PLBD2: variants seen among roughly 807,000 people sequenced by gnomAD.
PLBD2 encodes phospholipase B domain containing 2, also known as putative aminopeptidase PLBD2.
Under a neutral mutation model 68.3 loss-of-function variants are expected in PLBD2, and 51 were observed. That is an observed-to-expected ratio of 0.75 (90% CI 0.60 to 0.94). PLBD2 has a LOEUF of 0.94. Among genes scored for constraint, PLBD2 ranks in the 40% least tolerant of loss-of-function variants. PLBD2 has a pLI of 0.00. For synonymous variants in PLBD2, 314 were observed against 339.3 expected, an observed-to-expected ratio of 0.93 and a Z score of 0.82; for missense variants, 729 against 792.2, an observed-to-expected ratio of 0.92 and a Z score of 0.96.
intron 1 of PLBD2, among the ~76,000 whole-genome samples, chr12:113,362,683 A>C (rs1031802886): frequency 6.6e-6 from 1 of 152,006 alleles, no homozygotes; most frequent in Non-Finnish European, 1.5e-5. Flanking sequence ...AAGGAGAGCA[A>C]TATTTGTCAA....
Position 113,384,025 on chromosome 12 carries a change from TG to T in PLBD2, c.958-78del. 1.7e-6 allele frequency: 2 copies of T among 1,203,940 alleles called. No individual in the cohort carries two copies. Among genetic ancestry groups the T allele is most frequent in the Admixed American group, 3.0e-5 (1 of 32,962 alleles). The allele number at this position is 1,203,940 out of a possible 1,614,324, so 74.6% of individuals were successfully genotyped here. A position where few individuals can be genotyped will look rare whatever the true frequency, so the allele number is the denominator to read the frequency against. Reference sequence around the variant, plus strand: ...AAAAAAAAAAAAAAAAAAAAATTTTTGGAGCCATGACTGATGAAGTACTGCC... The same window carrying T: ...AAAAAAAAAAAAAAAAAAAAATTTTTGAGCCATGACTGATGAAGTACTGCC... On this transcript the variant is annotated intron_variant, in intron 6 of 11. Coordinates refer to ENST00000280800, the MANE Select transcript of PLBD2 (RefSeq NM_173542.4). This position sits in a 1 kb window ranked among gnomAD's most constrained non-coding sequence, Gnocchi z 4.2.
At chr12:113,361,431 C>T (rs1957295544) in intron 1 of PLBD2, among the ~76,000 whole-genome samples, 2 of 150,004 alleles carry the variant, frequency 1.3e-5, no homozygotes, top group South Asian at 2.1e-4. Flanking sequence ...CCTTGAACTC[C>T]CAGGCTCAAG....
chr12:113,373,498 C>T (rs953875622), intron 3 of PLBD2, among the ~76,000 whole-genome samples: 21 of 152,072 alleles, frequency 1.4e-4, no homozygotes, highest in Admixed American at 8.5e-4. Context: ...TACTCACACC[C>T]TAAGACAGAC....
intron 11 of PLBD2, 122 bp from the exon 12 acceptor site, chr12:113,388,337 A>T: frequency 3.8e-6 from 1 of 266,028 alleles, no homozygotes; most frequent in African/African-American, 2.9e-5. Flanking sequence ...GCAGAGACTC[A>T]AAAAAAAAAA....
intron 6 of PLBD2, among the ~76,000 whole-genome samples, chr12:113,381,850 C>A (rs1957494166): frequency 6.6e-6 from 1 of 151,838 alleles, no homozygotes. Context: ...GAGATAGGGT[C>A]TCTCTCTGTC....
chr12:113,373,634 A>G (rs1470558470), intron 3 of PLBD2, among the ~76,000 whole-genome samples: 5 of 150,016 alleles, frequency 3.3e-5, no homozygotes, highest in African/African-American at 7.4e-5. Context: ...CCATCTACCT[A>G]TCCATCTATT....
intron 6 of PLBD2, among the ~76,000 whole-genome samples, chr12:113,382,504 A>G (rs1374856410): frequency 6.6e-5 from 10 of 151,936 alleles, no homozygotes; most frequent in Non-Finnish European, 1.5e-5. Context: ...GTGCAGTGGC[A>G]TGATCACAGC....
At position 113,385,151 on chromosome 12, in the gene PLBD2, G is replaced by A; in HGVS notation, c.1215-61G>A. 4 of 1,564,288 alleles carry A rather than the reference G, an allele frequency of 2.6e-6. 1 individual carries two copies. The South Asian group carries it at 4.5e-5, about 17-fold the overall frequency. On this transcript the variant is annotated intron_variant, in intron 8 of 11. Transcript: ENST00000280800. ...GAGCCATCGGGGCTCCCCGAGCAGG[G>A]CAGTGCCCACAGGAGCCCCTTTTCT...
In PLBD2 at chr12:113,387,883, T is replaced by C. The variant is rs1957568421; in HGVS notation, c.1579T>C (p.Ser527Pro). ...SYPFQALRQR[S>P]HGGIDVKVTS... The stretch of plus-strand genomic sequence containing the variant: ...CCCCTTCCAGGCCCTGCGTCAGCGC[T>C]CCCATGGGGGTATCGATGTGAAGGT... Residue 527 changes from serine (S) to proline (P), a missense_variant, in exon 11 of 12, where the codon TCC (serine) becomes CCC (proline). Ser to Pro is a moderately conservative substitution (Grantham distance 74). Transcript: ENST00000280800. 5 of 1,614,102 alleles carry C rather than the reference T, an allele frequency of 3.1e-6. No homozygotes were observed. Among genetic ancestry groups the C allele is most frequent in the Non-Finnish European group, 4.2e-6 (5 of 1,179,994 alleles).
At chr12:113,383,055 T>C (rs765136861) in intron 6 of PLBD2, among the ~76,000 whole-genome samples, 1 of 152,016 alleles carries the variant, frequency 6.6e-6, no homozygotes, top group Non-Finnish European at 1.5e-5. Flanking sequence ...AGAACTAAGC[T>C]TTACTTTTCA....
chr12:113,365,100 C>T (rs1957330658), intron 1 of PLBD2, among the ~76,000 whole-genome samples: 1 of 152,168 alleles, frequency 6.6e-6, no homozygotes, highest in Non-Finnish European at 1.5e-5. Context: ...CTGTCATCTG[C>T]ATTTGATAAG....
At position 113,387,087 on chromosome 12, in the gene PLBD2, G is replaced by A; in HGVS notation, c.1437G>A (p.Met479Ile). 8 of 1,586,842 alleles carry A rather than the reference G, an allele frequency of 5.0e-6. No individual in the cohort carries two copies. The highest frequency in any genetic ancestry group is 6.9e-6 in the Non-Finnish European group (8 of 1,167,098). ...ACATGGACTCCATGGTCAGGCTGAT[G>A]AGGTAGGTGCCAGTTGGGTGGTGGG... ...VQDMDSMVRL[M>I]RYNDFLHDPL... Residue 479 changes from methionine (M) to isoleucine (I), a missense_variant and splice_region_variant, in exon 10 of 12, where the codon ATG becomes ATA. Coordinates refer to ENST00000280800, the MANE Select transcript of PLBD2 (RefSeq NM_173542.4).
rs1478293320 is a variant in PLBD2 at position 113,387,713 on chromosome 12, T to C, written c.1440-31T>C. ...CCGTCTTAGCCTCTCCTTCCTGGGA[T>C]GACTGATGTTCCCTCCTTTTCCCCA... On this transcript the variant is annotated intron_variant, in intron 10 of 11. Transcript: ENST00000280800. 1.9e-6 allele frequency: 3 copies of C among 1,604,702 alleles called. No individual in the cohort carries two copies. In the East Asian group the frequency reaches 6.7e-5, roughly 36 times the overall value.
intron 1 of PLBD2, among the ~76,000 whole-genome samples, chr12:113,368,636 C>T (rs1331458341): frequency 6.6e-6 from 1 of 152,096 alleles, no homozygotes; most frequent in Non-Finnish European, 1.5e-5. Context: ...ACTGTAGTCT[C>T]GTGGCAAAGG....
At chr12:113,364,470 C>CT (rs71086159) in intron 1 of PLBD2, among the ~76,000 whole-genome samples, 253 of 143,708 alleles carry the variant, frequency 1.8e-3, no homozygotes, top group Middle Eastern at 3.5e-3. Flanking sequence ...CCCTCAGATT[C>CT]TTTTTTTTTT....
intron 1 of PLBD2, among the ~76,000 whole-genome samples, chr12:113,360,699 C>A (rs765367435): frequency 6.6e-6 from 1 of 152,190 alleles, no homozygotes; most frequent in Non-Finnish European, 1.5e-5. Flanking sequence ...CTCCGTTGCC[C>A]AGCTGGAGTG....
rs756557830 is a variant in PLBD2 at position 113,383,598 on chromosome 12, C to A, written c.958-507C>A. Among the ~76,000 whole-genome samples, 51 of 151,916 alleles carry A rather than the reference C, an allele frequency of 3.4e-4. 1 individual carries two copies. The highest frequency in any genetic ancestry group is 5.9e-5 in the Non-Finnish European group (4 of 67,964). On this transcript the variant is annotated intron_variant, in intron 6 of 11. Transcript: ENST00000280800. The stretch of plus-strand genomic sequence containing the variant: ...TACAGGTGTATGCCACCACACCTGG[C>A]TAATTTTTGTATTTTTAGTAGAGAC...
rs1050214438 is a variant in PLBD2 at position 113,384,662 on chromosome 12, T to C, written c.1119-189T>C. 6.6e-6 allele frequency among the ~76,000 whole-genome samples: 1 copy of C among 152,070 alleles called. No homozygotes were observed. The highest frequency in any genetic ancestry group is 1.5e-5 in the Non-Finnish European group (1 of 67,992). ...GGAGCCACAGAATATTCTGGAACAG[T>C]CAAGCAGCATGACGAGAGAGGGGTT... is the stretch of plus-strand genomic sequence containing the variant. On this transcript the variant is annotated intron_variant, in intron 7 of 11. Transcript: ENST00000280800. The surrounding 1 kb of genome is among the most constrained non-coding windows in gnomAD (Gnocchi z 4.2).
chr12:113,383,469 T>C lies in PLBD2; in HGVS notation c.958-636T>C, dbSNP rs1399430532. Among the ~76,000 whole-genome samples the C allele has an allele frequency of 2.0e-5, 3 of 151,442 alleles. No homozygotes were observed. In the East Asian group the frequency reaches 6.0e-4, roughly 30 times the overall value. On this transcript the variant is annotated intron_variant, in intron 6 of 11. Transcript: ENST00000280800. The stretch of plus-strand genomic sequence containing the variant: ...TTTTTATTTTTATTTATTTCTTCTT[T>C]TGTTACCCAGGCTGAAGTGCAGTGG...
Sources: allele counts gnomAD v4.1 joint callset (sites outside exome capture counted in the v4.1 genomes callset), GRCh38; gene constraint gnomAD v4.1.1; non-coding constraint Gnocchi (gnomAD v3.1); transcripts MANE v1.5; gene names NCBI Gene and HGNC (gene_info 2026-07-23, HGNC 2026-07-21).